The following TAPT1 variants were observed in gnomAD, a reference collection of about 807,000 sequenced individuals.
TAPT1 encodes transmembrane anterior posterior transformation 1, also known as transmembrane anterior posterior transformation protein 1 homolog.
Under a neutral mutation model 65.6 loss-of-function variants are expected in TAPT1, and 28 were observed. The ratio of observed to expected loss-of-function variants is 0.43; its 90% CI spans 0.32 to 0.59. TAPT1 has a LOEUF of 0.59. TAPT1 is among the 20% of genes least tolerant of loss of function. TAPT1 has a pLI of 0.09. For missense variants in TAPT1, 563 were observed against 679.9 expected (o/e 0.83, Z 1.91); for synonymous variants, 278 against 245.2 (o/e 1.13, Z -1.25).
intron 3 of TAPT1, among the ~76,000 whole-genome samples, chr4:16,196,257 CT>C (rs1194729788): frequency 6.6e-6 from 1 of 152,068 alleles, no homozygotes; most frequent in African/African-American, 2.4e-5. Flanking sequence ...ATTTCTTAAA[CT>C]TTAATTTCAA....
chr4:16,215,179 T>A (rs1750865800), intron 1 of TAPT1, among the ~76,000 whole-genome samples: 1 of 151,754 alleles, frequency 6.6e-6, no homozygotes, highest in African/African-American at 2.4e-5. Flanking sequence ...TAGTCCCAGC[T>A]GCTTGGGAGG....
intron 2 of TAPT1, among the ~76,000 whole-genome samples, chr4:16,203,335 C>G (rs142288666): frequency 1.3e-5 from 2 of 152,272 alleles, no homozygotes; most frequent in Non-Finnish European, 2.9e-5. Context: ...TATCTTTAGT[C>G]AATAAATTGC....
chr4:16,177,536 C>A (rs1341724634), intron 8 of TAPT1, among the ~76,000 whole-genome samples: 1 of 152,110 alleles, frequency 6.6e-6, no homozygotes, highest in Non-Finnish European at 1.5e-5. Context: ...AATCAAGGGA[C>A]CTCTTTCGCC....
In TAPT1 at chr4:16,160,883, C is replaced by T. The variant is rs536260299; in HGVS notation, c.*2425G>A. 6.5e-6 allele frequency: 1 copy of T among 152,726 alleles called. No individual in the cohort carries two copies. Among genetic ancestry groups the T allele is most frequent in the East Asian group, 1.9e-4 (1 of 5,180 alleles). The allele number at this position is 152,726 out of a possible 1,614,324, so 9.5% of individuals were successfully genotyped here. On this transcript the variant is annotated 3_prime_UTR_variant, in exon 14 of 14. Transcript: ENST00000405303. ...ATAAACTCTAAATACTGGCCAAAGT[C>T]CACAAGAAAATCTGGACAAGCGTAT... is the stretch of plus-strand genomic sequence containing the variant.
intron 1 of TAPT1, among the ~76,000 whole-genome samples, 185 bp from the exon 2 acceptor site, chr4:16,214,083 T>A (rs186229539): frequency 6.6e-6 from 1 of 152,302 alleles, no homozygotes; most frequent in East Asian, 1.9e-4. Flanking sequence ...TTCTTCTTTG[T>A]GGTATAACCT....
intron 8 of TAPT1, among the ~76,000 whole-genome samples, chr4:16,177,578 T>C (rs1052224365): frequency 2.0e-5 from 3 of 152,148 alleles, no homozygotes; most frequent in Non-Finnish European, 2.9e-5. Context: ...CTATATGACC[T>C]TGGACAAGTT....
chr4:16,199,503 A>C (rs1367441686), intron 3 of TAPT1, among the ~76,000 whole-genome samples: 2 of 152,248 alleles, frequency 1.3e-5, no homozygotes, highest in Non-Finnish European at 2.9e-5. Context: ...GGTAGGGATC[A>C]TTAACCACTA....
At position 16,176,245 on chromosome 4, in the gene TAPT1, G is replaced by T; in HGVS notation, c.998-17C>A. On this transcript the variant is annotated splice_polypyrimidine_tract_variant and intron_variant, in intron 8 of 13. Coordinates refer to ENST00000405303, the MANE Select transcript of TAPT1 (RefSeq NM_153365.3). ...AGAGATGATCTGTAAATAGAAAAAA[G>T]AAAAACAACGAAATATCTTAATATG... 2 of 1,280,674 alleles carry T rather than the reference G, an allele frequency of 1.6e-6. No homozygotes were observed. The highest frequency in any genetic ancestry group is 2.2e-6 in the Non-Finnish European group (2 of 925,684). 79.3% of individuals were successfully genotyped at this position (1,280,674 alleles called of 1,614,324 possible).
At chr4:16,210,495 A>G (rs538656030) in intron 2 of TAPT1, among the ~76,000 whole-genome samples, 2 of 152,182 alleles carry the variant, frequency 1.3e-5, no homozygotes, top group Admixed American at 1.3e-4. Flanking sequence ...AGAGTAGTGC[A>G]TTCCCCCTGA....
intron 2 of TAPT1, among the ~76,000 whole-genome samples, chr4:16,206,033 G>C (rs1252957552): frequency 6.6e-6 from 1 of 152,130 alleles, no homozygotes; most frequent in South Asian, 2.1e-4. Flanking sequence ...GAATGTTAAG[G>C]GGAACAGGAT....
At chr4:16,174,395 T>C in intron 10 of TAPT1, 123 bp from the exon 11 acceptor site, 3 of 839,084 alleles carry the variant, frequency 3.6e-6, no homozygotes, top group East Asian at 2.7e-5. Context: ...GAACAGAACC[T>C]GGCACTTATA....
chr4:16,226,060 C>T (rs1186498037), intron 1 of TAPT1, 199 bp downstream of exon 1: 1 of 1,015,558 alleles, frequency 9.8e-7, no homozygotes, highest in African/African-American at 1.7e-5. Context: ...CGGGGCTGCG[C>T]GCGCAACCCG....
At chr4:16,196,597 T>C (rs949157281) in intron 3 of TAPT1, 5 of 884,506 alleles carry the variant, frequency 5.7e-6, no homozygotes, top group East Asian at 6.2e-5. Context: ...CTGTTTACTT[T>C]TGCATTTAAT....
intron 13 of TAPT1, among the ~76,000 whole-genome samples, chr4:16,165,668 C>A (rs1270233400): frequency 6.6e-6 from 1 of 152,052 alleles, no homozygotes; most frequent in Admixed American, 6.6e-5. Flanking sequence ...ATTAAGTCAA[C>A]GTCCCAGTTC....
rs149666798 is a variant in TAPT1 at position 16,221,190 on chromosome 4, G to A, written c.199+5069C>T. Among the ~76,000 whole-genome samples, 209 of 151,978 alleles carry A rather than the reference G, an allele frequency of 1.4e-3. 2 individuals are homozygous for A. The East Asian group carries it at 0.031, about 23-fold the overall frequency. ...GGCGTGAGTGCAGTGGCACGATCTC[G>A]TCTCACTGCAACCTCCACCTCCACC... On this transcript the variant is annotated intron_variant, in intron 1 of 13. Coordinates refer to ENST00000405303, the MANE Select transcript of TAPT1 (RefSeq NM_153365.3).
chr4:16,188,111 G>GTGATT, intron 5 of TAPT1, 109 bp downstream of exon 5: 1 of 909,106 alleles, frequency 1.1e-6, no homozygotes, highest in East Asian at 2.7e-5. Flanking sequence ...TAATCTTCAG[G>GTGATT]ATACATACAT....
chr4:16,200,487 G>C (rs1039114942), intron 3 of TAPT1, among the ~76,000 whole-genome samples: 1 of 151,994 alleles, frequency 6.6e-6, no homozygotes, highest in Admixed American at 6.6e-5. Context: ...ACCATGTCTG[G>C]CTAATTTTTT....
intron 1 of TAPT1, among the ~76,000 whole-genome samples, chr4:16,218,312 G>A (rs1160425613): frequency 6.6e-6 from 1 of 152,196 alleles, no homozygotes; most frequent in Non-Finnish European, 1.5e-5. Context: ...GGCTGAGGCA[G>A]GAGAATCACT....
At chr4:16,214,571 A>G (rs966193171) in intron 1 of TAPT1, 5 of 152,184 alleles carry the variant, frequency 3.3e-5, no homozygotes, top group African/African-American at 1.2e-4. Flanking sequence ...ATCTCAGGTG[A>G]GAAAAACAAG....
Sources: gnomAD v4.1 joint callset for allele counts (sites outside exome capture counted in the v4.1 genomes callset) on GRCh38, gnomAD v4.1.1 for gene constraint, MANE v1.5 for transcripts, NCBI Gene and HGNC (gene_info 2026-07-23, HGNC 2026-07-21) for gene names.